Variants in NEO1 observed in about 807,000 individuals in gnomAD.
The protein encoded by NEO1 is neogenin 1, also known as neogenin.
A neutral mutation model predicts 159.7 loss-of-function variants in NEO1; 63 were observed. That is an observed-to-expected ratio of 0.39 (90% CI 0.32 to 0.49). The LOEUF (loss-of-function observed/expected upper bound fraction) is 0.49, where lower values mean the gene tolerates loss of function less well. Among genes scored for constraint, NEO1 ranks in the 20% least tolerant of loss-of-function variants. NEO1 has a pLI of 0.85. For missense variants in NEO1, 1,615 were observed against 1,831.0 expected (o/e 0.88, Z 2.15); for synonymous variants, 633 against 662.0 (o/e 0.96, Z 0.67).
At chr15:73,217,692 A>G (rs956426724) in intron 7 of NEO1, among the ~76,000 whole-genome samples, 19 of 152,078 alleles carry the variant, frequency 1.2e-4, no homozygotes, top group African/African-American at 3.9e-4. Context: ...CTTTGAAGCA[A>G]TTGTGAATGG....
At chr15:73,220,688 C>T (rs945739312) in intron 7 of NEO1, among the ~76,000 whole-genome samples, 7 of 152,112 alleles carry the variant, frequency 4.6e-5, no homozygotes, top group East Asian at 1.9e-4. Flanking sequence ...TCATCTTCAT[C>T]GCTGATACCC....
At chr15:73,152,207 G>A (rs141592626) in intron 5 of NEO1, among the ~76,000 whole-genome samples, 2,356 of 152,276 alleles carry the variant, frequency 0.015, 23 homozygotes, top group South Asian at 0.017. Flanking sequence ...GGCCTCAGGG[G>A]CAGGCCTTAG....
intron 1 of NEO1, among the ~76,000 whole-genome samples, chr15:73,069,063 C>T (rs1267741422): frequency 1.3e-5 from 2 of 151,738 alleles, no homozygotes; most frequent in Admixed American, 1.3e-4. Flanking sequence ...AATGATCCTC[C>T]CCCCTTCAGC....
chr15:73,108,399 A>T (rs917245562), intron 1 of NEO1, among the ~76,000 whole-genome samples: 1 of 152,194 alleles, frequency 6.6e-6, no homozygotes, highest in African/African-American at 2.4e-5. Context: ...ACTTCAAGTC[A>T]TCTTGAGATC....
intron 5 of NEO1, 149 bp downstream of exon 5, chr15:73,136,176 T>C: frequency 1.9e-6 from 1 of 535,316 alleles, no homozygotes; most frequent in Non-Finnish European, 3.0e-6. Context: ...AAATTCTAAA[T>C]CTTATATTTC....
intron 25 of NEO1, 137 bp from the exon 26 acceptor site, chr15:73,293,253 C>A: frequency 2.1e-6 from 2 of 937,358 alleles, no homozygotes; most frequent in Non-Finnish European, 1.7e-6. Context: ...CCAGATCTAG[C>A]CAGCTGCCAC....
intron 23 of NEO1, among the ~76,000 whole-genome samples, chr15:73,287,413 C>T (rs1412103733): frequency 6.6e-6 from 1 of 152,194 alleles, no homozygotes; most frequent in Non-Finnish European, 1.5e-5. Context: ...CTCACTTTAT[C>T]AAAAATTCTG....
intron 5 of NEO1, among the ~76,000 whole-genome samples, chr15:73,136,778 G>T (rs889680871): frequency 1.3e-5 from 2 of 152,054 alleles, no homozygotes; most frequent in Non-Finnish European, 2.9e-5. Flanking sequence ...TCCTCCATAT[G>T]GAAATGTACC....
intron 22 of NEO1, among the ~76,000 whole-genome samples, chr15:73,279,335 T>G (rs1310741154): frequency 2.2e-5 from 3 of 139,478 alleles, no homozygotes; most frequent in Non-Finnish European, 4.8e-5. Flanking sequence ...CATGTTTTTT[T>G]GTTGTTTTGG....
intron 1 of NEO1, among the ~76,000 whole-genome samples, chr15:73,095,864 A>G (rs1476514304): frequency 6.6e-6 from 1 of 152,210 alleles, no homozygotes; most frequent in Admixed American, 6.5e-5. Context: ...ACTTGTTATA[A>G]GATGCCTGAA....
In NEO1 at chr15:73,258,829, C is replaced by T. The variant is rs141602999; in HGVS notation, c.2156C>T (p.Pro719Leu). The change falls in exon 14 of 29, where the codon CCG becomes CTG. Residue 719 changes from proline (P) to leucine (L), a missense_variant. This residue lies in a region of NEO1 where 1,018 missense variants were observed against 1,115.4 expected (regional missense o/e 0.91). Coordinates refer to ENST00000261908, the MANE Select transcript of NEO1 (RefSeq NM_002499.4). Reference protein sequence around the residue: ...VAALTINGTGPATDWLSAETF... With the variant: ...VAALTINGTGLATDWLSAETF... Reference sequence around the variant, plus strand: ...GCTCTAACAATCAATGGTACAGGCCCGGCAACTGACTGGCTGTCTGCTGAA... The same window carrying T: ...GCTCTAACAATCAATGGTACAGGCCTGGCAACTGACTGGCTGTCTGCTGAA... The T allele has an allele frequency of 1.4e-5, 23 of 1,613,672 alleles. No homozygotes were observed. Among genetic ancestry groups the T allele is most frequent in the South Asian group, 1.3e-4 (12 of 91,072 alleles).
intron 9 of NEO1, 77 bp downstream of exon 9, chr15:73,244,575 A>T: frequency 6.9e-7 from 1 of 1,445,316 alleles, no homozygotes; most frequent in Non-Finnish European, 9.4e-7. Flanking sequence ...AGCCTTGCAC[A>T]CCATAGGGGA....
chr15:73,176,634 TATC>T, intron 6 of NEO1, 77 bp downstream of exon 6: 1 of 1,088,878 alleles, frequency 9.2e-7, no homozygotes, highest in Non-Finnish European at 1.3e-6. Context: ...AGAGATCAGT[TATC>T]TTATATATAC....
At chr15:73,292,991 A>T (rs1006782424) in intron 25 of NEO1, among the ~76,000 whole-genome samples, 2 of 152,254 alleles carry the variant, frequency 1.3e-5, no homozygotes, top group African/African-American at 4.8e-5. Context: ...GTGTTGGCTT[A>T]TGGATTTATA....
chr15:73,210,796 A>C (rs2037513600), intron 7 of NEO1, among the ~76,000 whole-genome samples: 1 of 152,176 alleles, frequency 6.6e-6, no homozygotes, highest in African/African-American at 2.4e-5. Context: ...CTTTATTTTC[A>C]TGTAAACTAA....
chr15:73,118,012 T>C (rs1467649723), intron 2 of NEO1, among the ~76,000 whole-genome samples: 1 of 152,100 alleles, frequency 6.6e-6, no homozygotes, highest in East Asian at 1.9e-4. Flanking sequence ...AATAAATTAG[T>C]ATAATGACTG....
intron 15 of NEO1, among the ~76,000 whole-genome samples, chr15:73,264,119 C>T (rs542332195): frequency 6.6e-6 from 1 of 151,978 alleles, no homozygotes; most frequent in African/African-American, 2.4e-5. Flanking sequence ...CCCTAGAGGT[C>T]AAGGCTGCAG....
chr15:73,145,832 G>A (rs2032848804), intron 5 of NEO1, among the ~76,000 whole-genome samples: 1 of 152,004 alleles, frequency 6.6e-6, no homozygotes, highest in Non-Finnish European at 1.5e-5. Context: ...TCAGAATACT[G>A]GATGTTTACT....
At chr15:73,172,667 A>G (rs555835771) in intron 5 of NEO1, among the ~76,000 whole-genome samples, 2 of 152,346 alleles carry the variant, frequency 1.3e-5, no homozygotes, top group East Asian at 3.9e-4. Context: ...AATTTTTACA[A>G]ATTTAGTTAA....
Sources: gnomAD v4.1 joint callset for allele counts (sites outside exome capture counted in the v4.1 genomes callset) on GRCh38, gnomAD v4.1.1 for gene constraint, gnomAD v4.1.1 regional missense constraint, MANE v1.5 for transcripts, NCBI Gene and HGNC (gene_info 2026-07-23, HGNC 2026-07-21) for gene names.